Variants in KCNMA1 observed in about 807,000 individuals in gnomAD.
KCNMA1 encodes potassium calcium-activated channel subfamily M alpha 1, also known as Calcium-activated potassium channel subunit alpha-1.
Under a neutral mutation model 140.0 loss-of-function variants are expected in KCNMA1, and 29 were observed. The observed-to-expected ratio is 0.21, with a 90% CI of 0.15 to 0.28. The LOEUF (loss-of-function observed/expected upper bound fraction) is 0.28. KCNMA1 is among the 10% of genes least tolerant of loss of function. KCNMA1 has a pLI of 1.00. For synonymous variants in KCNMA1, 612 were observed against 611.9 expected (o/e 1.00, Z 0.00); for missense variants, 880 against 1,602.2 (o/e 0.55, Z 7.70).
chr10:77,099,710 A>G (rs1595920324), intron 9 of KCNMA1, among the ~76,000 whole-genome samples: 3 of 101,076 alleles, frequency 3.0e-5, no homozygotes, highest in African/African-American at 1.3e-4. Context: ...GCAAAACTCC[A>G]TCTCAAAAAA....
intron 2 of KCNMA1, among the ~76,000 whole-genome samples, chr10:77,367,548 GT>G (rs1363701560): frequency 6.6e-6 from 1 of 152,084 alleles, no homozygotes; most frequent in Non-Finnish European, 1.5e-5. Flanking sequence ...CTTTTCAAAA[GT>G]TTCATTTTCT....
chr10:77,313,118 C>A (rs11002116), intron 2 of KCNMA1, among the ~76,000 whole-genome samples: 25,965 of 152,032 alleles, frequency 0.17, 2,365 homozygotes, highest in East Asian at 0.33. Context: ...TATCAGACTC[C>A]GCGTTGGTCT....
chr10:77,596,361 T>C (rs1301357891), intron 1 of KCNMA1, among the ~76,000 whole-genome samples: 4 of 152,164 alleles, frequency 2.6e-5, no homozygotes, highest in African/African-American at 9.7e-5. Flanking sequence ...TCCTCATACA[T>C]GCATAAAAAG....
At chr10:77,368,236 T>A (rs1598793) in intron 2 of KCNMA1, among the ~76,000 whole-genome samples, 1 of 152,202 alleles carries the variant, frequency 6.6e-6, no homozygotes, top group Non-Finnish European at 1.5e-5. Context: ...TCAGCCATTA[T>A]AATAGGTGTG....
intron 6 of KCNMA1, among the ~76,000 whole-genome samples, chr10:77,115,090 T>C (rs1419133129): frequency 6.6e-6 from 1 of 152,248 alleles, no homozygotes; most frequent in Non-Finnish European, 1.5e-5. Context: ...AGTCATTTAA[T>C]GCTCATAACA....
intron 2 of KCNMA1, among the ~76,000 whole-genome samples, chr10:77,363,525 C>T (rs1023322872): frequency 2.0e-5 from 3 of 152,226 alleles, no homozygotes; most frequent in African/African-American, 7.2e-5. Flanking sequence ...TTCATCTAGT[C>T]CTAGTAAATA....
chr10:77,244,176 G>T (rs2058028786), intron 3 of KCNMA1, among the ~76,000 whole-genome samples: 1 of 152,220 alleles, frequency 6.6e-6, no homozygotes, highest in African/African-American at 2.4e-5. Flanking sequence ...CTATCTTCCA[G>T]CTCCAGCTCT....
chr10:77,616,088 G>A (rs185734019), intron 1 of KCNMA1, among the ~76,000 whole-genome samples: 149 of 152,300 alleles, frequency 9.8e-4, no homozygotes, highest in Non-Finnish European at 1.7e-3. Context: ...ACTCAAACCC[G>A]CCTTTGACCA....
downstream of KCNMA1, among the ~76,000 whole-genome samples, chr10:76,883,724 T>G (rs925199250): frequency 3.8e-5 from 5 of 133,106 alleles, no homozygotes; most frequent in Non-Finnish European, 7.6e-5. Context: ...CTTCCTTGTT[T>G]TTTTTTTTTT....
chr10:77,251,038 A>G lies in KCNMA1; in HGVS notation c.602+157T>C. The stretch of plus-strand genomic sequence containing the variant: ...CTTCCTTCTGAGAACTTTCTTTCCC[A>G]TTTAGAAAATCAGTACAGTACAGCA... On this transcript the variant is annotated intron_variant, in intron 3 of 27. Transcript: ENST00000286628. 11 of 677,248 alleles carry G rather than the reference A, an allele frequency of 1.6e-5. No homozygotes were observed. The South Asian group carries it at 1.7e-4, about 10-fold the overall frequency. 42.0% of individuals were successfully genotyped at this position (677,248 alleles called of 1,614,324 possible). A position where few individuals can be genotyped will look rare whatever the true frequency, so the allele number is the denominator to read the frequency against.
intron 14 of KCNMA1, among the ~76,000 whole-genome samples, chr10:77,055,452 C>T (rs957343363): frequency 4.4e-4 from 67 of 151,232 alleles, no homozygotes; most frequent in African/African-American, 1.6e-3. Flanking sequence ...CTGTTTTTCC[C>T]TCCCTCCCTC....
chr10:77,527,174 T>G lies in KCNMA1; in HGVS notation c.378+110091A>C, dbSNP rs183527413. 2.3e-3 allele frequency among the ~76,000 whole-genome samples: 352 copies of G among 152,320 alleles called. 3 individuals are homozygous for G. Among genetic ancestry groups the G allele is most frequent in the Non-Finnish European group, 3.4e-3 (229 of 68,022 alleles). On this transcript the variant is annotated intron_variant, in intron 1 of 27. Coordinates refer to ENST00000286628, the MANE Select transcript of KCNMA1 (RefSeq NM_001161352.2). ...GCCTCATGCAGTATTAATATGGCCC[T>G]GGCATACTCCCAAATTTACATTATG... is the stretch of plus-strand genomic sequence containing the variant.
chr10:77,558,500 G>A (rs548300707), intron 1 of KCNMA1, among the ~76,000 whole-genome samples: 2 of 152,176 alleles, frequency 1.3e-5, no homozygotes, highest in Non-Finnish European at 2.9e-5. Flanking sequence ...GATGTCGGGG[G>A]TGGGGTGTTC....
At chr10:77,058,741 T>C (rs1473498587) in intron 14 of KCNMA1, among the ~76,000 whole-genome samples, 1 of 152,026 alleles carries the variant, frequency 6.6e-6, no homozygotes, top group African/African-American at 2.4e-5. Context: ...TCAAAATTTG[T>C]GGAATGCAGC....
chr10:77,596,936 C>T (rs141131622), intron 1 of KCNMA1, among the ~76,000 whole-genome samples: 13 of 152,168 alleles, frequency 8.5e-5, no homozygotes, highest in African/African-American at 1.9e-4. Context: ...AGCTATTTAG[C>T]AACTAGAGGG....
At chr10:77,385,214 T>G (rs140782343) in intron 2 of KCNMA1, among the ~76,000 whole-genome samples, 3 of 152,324 alleles carry the variant, frequency 2.0e-5, no homozygotes, top group African/African-American at 7.2e-5. Flanking sequence ...ACAATGTGCT[T>G]TCACATATAT....
At chr10:77,630,177 CT>C (rs1450723443) in intron 1 of KCNMA1, among the ~76,000 whole-genome samples, 1 of 152,206 alleles carries the variant, frequency 6.6e-6, no homozygotes, top group African/African-American at 2.4e-5. Context: ...GGCTGGCAGT[CT>C]TAATGCCCAC....
intron 3 of KCNMA1, among the ~76,000 whole-genome samples, chr10:77,223,853 A>C (rs1200632763): frequency 6.6e-6 from 1 of 152,192 alleles, no homozygotes; most frequent in Non-Finnish European, 1.5e-5. Flanking sequence ...CAAACAGCCC[A>C]ATGAGTCAGA....
At chr10:77,251,077 A>G (rs1331440726) in intron 3 of KCNMA1, 118 bp downstream of exon 3, 1 of 832,142 alleles carries the variant, frequency 1.2e-6, no homozygotes. Context: ...GCTTCCTCCA[A>G]AATCTTCTGC....
Sources: allele counts gnomAD v4.1 joint callset (sites outside exome capture counted in the v4.1 genomes callset), GRCh38; gene constraint gnomAD v4.1.1; transcripts MANE v1.5; gene names NCBI Gene and HGNC (gene_info 2026-07-23, HGNC 2026-07-21).